The following ARL15 variants were observed in gnomAD, a reference collection of about 807,000 sequenced individuals.
The protein encoded by ARL15 is ARF like GTPase 15, also known as ADP-ribosylation factor-like protein 15.
ARL15 carries 19 observed loss-of-function variants against 25.2 expected under a neutral mutation model. The observed-to-expected ratio is 0.75, with a 90% CI of 0.53 to 1.10. ARL15 has a LOEUF of 1.10. Ranked by LOEUF, ARL15 falls within the 50% of genes least tolerant of loss-of-function variation. The probability of loss-of-function intolerance (pLI) is 0.00; values close to 1 mark genes in which losing one functional copy is unlikely to be tolerated. For synonymous variants in ARL15, 94 were observed against 86.8 expected (o/e 1.08, Z -0.46); for missense variants, 220 against 246.0 (o/e 0.89, Z 0.71).
intron 1 of ARL15, among the ~76,000 whole-genome samples, chr5:54,259,670 A>C (rs898212998): frequency 6.6e-6 from 1 of 152,206 alleles, no homozygotes; most frequent in African/African-American, 2.4e-5. Flanking sequence ...GTAAATGACT[A>C]CAATAACTCT....
chr5:54,224,620 T>C (rs1756469044), intron 1 of ARL15, among the ~76,000 whole-genome samples: 1 of 152,156 alleles, frequency 6.6e-6, no homozygotes, highest in South Asian at 2.1e-4. Flanking sequence ...ATCTAGGGAC[T>C]GAAACTGAAA....
chr5:54,260,377 A>G (rs896214302), intron 1 of ARL15, among the ~76,000 whole-genome samples: 5 of 152,226 alleles, frequency 3.3e-5, no homozygotes, highest in African/African-American at 1.2e-4. Context: ...TTGACATTAC[A>G]GATTCATTAA....
chr5:54,279,916 T>C (rs1457549150), intron 1 of ARL15, among the ~76,000 whole-genome samples: 1 of 152,236 alleles, frequency 6.6e-6, no homozygotes, highest in Non-Finnish European at 1.5e-5. Flanking sequence ...CACAACTAAC[T>C]GCCGGCCTCT....
chr5:54,284,629 T>C (rs568215502), intron 1 of ARL15, among the ~76,000 whole-genome samples: 1 of 152,258 alleles, frequency 6.6e-6, no homozygotes, highest in African/African-American at 2.4e-5. Flanking sequence ...CCTTTTCATA[T>C]TCTCAAAATG....
intron 4 of ARL15, among the ~76,000 whole-genome samples, chr5:54,055,864 T>C (rs1019699959): frequency 1.3e-5 from 2 of 152,120 alleles, no homozygotes; most frequent in Admixed American, 6.6e-5. Context: ...ATAATTATCA[T>C]GTGTATTTCT....
At chr5:54,023,955 T>G (rs255752) in intron 4 of ARL15, among the ~76,000 whole-genome samples, 1 of 152,046 alleles carries the variant, frequency 6.6e-6, no homozygotes, top group Non-Finnish European at 1.5e-5. Flanking sequence ...TAAAAATCAT[T>G]TACTACTCTC....
intron 3 of ARL15, among the ~76,000 whole-genome samples, chr5:54,118,288 A>G (rs1752966625): frequency 6.6e-6 from 1 of 152,186 alleles, no homozygotes; most frequent in Non-Finnish European, 1.5e-5. Context: ...CTTTCTTCAT[A>G]TACTTCAACC....
intron 1 of ARL15, among the ~76,000 whole-genome samples, chr5:54,253,343 C>T (rs16882512): frequency 0.015 from 2,319 of 152,166 alleles, 57 homozygotes; most frequent in African/African-American, 0.053. Context: ...CTGGGTCATA[C>T]CACTTCCACA....
At chr5:53,992,399 G>A (rs1038565578) in intron 4 of ARL15, among the ~76,000 whole-genome samples, 1 of 152,094 alleles carries the variant, frequency 6.6e-6, no homozygotes, top group East Asian at 1.9e-4. Flanking sequence ...AACACACACA[G>A]AGGAAATCTA....
intron 3 of ARL15, among the ~76,000 whole-genome samples, chr5:54,137,483 C>G (rs1268371982): frequency 6.6e-6 from 1 of 152,094 alleles, no homozygotes; most frequent in African/African-American, 2.4e-5. Context: ...AACTGGTGGC[C>G]CAGCCCTAGC....
chr5:54,037,109 A>G (rs1348145124), intron 4 of ARL15, among the ~76,000 whole-genome samples: 2 of 152,064 alleles, frequency 1.3e-5, no homozygotes, highest in Admixed American at 1.3e-4. Flanking sequence ...TAGATTTTAA[A>G]TGACATTGAA....
At chr5:54,152,836 C>T (rs543539107) in intron 3 of ARL15, among the ~76,000 whole-genome samples, 1 of 152,314 alleles carries the variant, frequency 6.6e-6, no homozygotes, top group South Asian at 2.1e-4. Flanking sequence ...TGCTTGAGAA[C>T]AGACCTATTC....
chr5:54,102,980 A>G (rs1752484692), intron 4 of ARL15, among the ~76,000 whole-genome samples: 1 of 152,192 alleles, frequency 6.6e-6, no homozygotes, highest in Admixed American at 6.5e-5. Context: ...GCTAGTTACC[A>G]TGTAAACATT....
intron 4 of ARL15, among the ~76,000 whole-genome samples, chr5:53,989,079 T>C (rs1446448580): frequency 2.0e-5 from 3 of 152,134 alleles, no homozygotes; most frequent in Non-Finnish European, 4.4e-5. Context: ...AATGGATAAT[T>C]GAAAGAGTCC....
intron 1 of ARL15, among the ~76,000 whole-genome samples, chr5:54,299,944 T>C (rs889011802): frequency 6.6e-5 from 10 of 152,196 alleles, no homozygotes; most frequent in African/African-American, 2.2e-4. Context: ...CATTTACCTA[T>C]GTGAAATCTC....
intron 4 of ARL15, among the ~76,000 whole-genome samples, chr5:54,098,069 G>A (rs528437929): frequency 6.8e-4 from 103 of 152,256 alleles, no homozygotes; most frequent in African/African-American, 2.4e-3. Context: ...GGCCAACCAT[G>A]AGAGGATGTT....
intron 4 of ARL15, among the ~76,000 whole-genome samples, chr5:53,902,379 T>G (rs1580062383): frequency 6.6e-6 from 1 of 152,346 alleles, no homozygotes; most frequent in East Asian, 1.9e-4. Flanking sequence ...CTCAACAAAA[T>G]ATTAGGGAGA....
At chr5:54,026,611 A>T (rs7719026) in intron 4 of ARL15, among the ~76,000 whole-genome samples, 7,471 of 152,204 alleles carry the variant, frequency 0.049, 233 homozygotes, top group Middle Eastern at 0.078. Flanking sequence ...CATTCAAGAG[A>T]GCCAAGGGAA....
intron 4 of ARL15, among the ~76,000 whole-genome samples, chr5:53,989,880 G>A (rs1254000813): frequency 6.6e-6 from 1 of 152,158 alleles, no homozygotes; most frequent in Non-Finnish European, 1.5e-5. Flanking sequence ...ACTTTGTTGT[G>A]TAAGACTAGA....
Sources: allele counts gnomAD v4.1 joint callset (sites outside exome capture counted in the v4.1 genomes callset), GRCh38; gene constraint gnomAD v4.1.1; transcripts MANE v1.5; gene names NCBI Gene and HGNC (gene_info 2026-07-23, HGNC 2026-07-21).